The following CARMIL1 variants were observed in gnomAD, a reference collection of about 807,000 sequenced individuals.
CARMIL1 encodes F-actin-uncapping protein LRRC16A.
CARMIL1 carries 90 observed loss-of-function variants against 177.1 expected under a neutral mutation model. The ratio of observed to expected loss-of-function variants is 0.51; its 90% CI spans 0.43 to 0.61. The LOEUF (loss-of-function observed/expected upper bound fraction) is 0.61. CARMIL1 is among the 20% of genes least tolerant of loss of function. The probability of loss-of-function intolerance (pLI) is 0.00; values close to 1 mark genes in which losing one functional copy is unlikely to be tolerated. For synonymous variants in CARMIL1, 577 were observed against 606.2 expected (o/e 0.95, Z 0.71); for missense variants, 1,380 against 1,667.0 (o/e 0.83, Z 3.00).
chr6:25,390,386 G>C (rs1379713613), intron 2 of CARMIL1, among the ~76,000 whole-genome samples: 86 of 139,036 alleles, frequency 6.2e-4, no homozygotes, highest in African/African-American at 2.2e-3. Context: ...CAGCAGCACA[G>C]TCTTGGCTCA....
chr6:25,565,942 A>G (rs761482355), intron 29 of CARMIL1, among the ~76,000 whole-genome samples: 17 of 152,214 alleles, frequency 1.1e-4, no homozygotes, highest in Non-Finnish European at 1.8e-4. Flanking sequence ...CATATATAGT[A>G]TGTCCCAAAT....
rs538454908 is a variant in CARMIL1 at position 25,326,935 on chromosome 6, C to T, written c.138+42026C>T. Among the ~76,000 whole-genome samples the T allele has an allele frequency of 9.3e-4, 141 of 152,068 alleles. No individual in the cohort carries two copies. Among genetic ancestry groups the T allele is most frequent in the Middle Eastern group, 3.4e-3 (1 of 294 alleles). On this transcript the variant is annotated intron_variant, in intron 2 of 36. Transcript: ENST00000329474. This position sits in a 1 kb window ranked among gnomAD's most constrained non-coding sequence, Gnocchi z 4.2. ...ACCTTGTTTATTGTGATGAGGGAGA[C>T]TGGTGGGGGTAGCAAAAGGACATAA... is the stretch of plus-strand genomic sequence containing the variant.
chr6:25,520,929 T>C (rs1806490588), intron 23 of CARMIL1, among the ~76,000 whole-genome samples: 1 of 152,162 alleles, frequency 6.6e-6, no homozygotes, highest in African/African-American at 2.4e-5. Context: ...CCTTCTCTTT[T>C]TATGGCCACC....
intron 2 of CARMIL1, among the ~76,000 whole-genome samples, chr6:25,307,385 A>G (rs561295211): frequency 6.6e-6 from 1 of 152,282 alleles, no homozygotes; most frequent in African/African-American, 2.4e-5. Context: ...TTCCTACTCT[A>G]TTAGAAATTC....
intron 2 of CARMIL1, among the ~76,000 whole-genome samples, chr6:25,306,867 G>T (rs1193187976): frequency 6.8e-6 from 1 of 147,608 alleles, no homozygotes; most frequent in African/African-American, 2.5e-5. Context: ...CCTGTTTCCT[G>T]CAGTGCCTTG....
chr6:25,338,284 G>T (rs2690082), intron 2 of CARMIL1, among the ~76,000 whole-genome samples: 68,174 of 151,320 alleles, frequency 0.45, 15,539 homozygotes, highest in East Asian at 0.54. Flanking sequence ...ATAAAAGGTG[G>T]TAGTATAAAA....
chr6:25,519,043 G>A (rs1806286881), intron 22 of CARMIL1, among the ~76,000 whole-genome samples: 2 of 152,192 alleles, frequency 1.3e-5, no homozygotes, highest in Admixed American at 6.5e-5. Flanking sequence ...TACTCTATAA[G>A]TTGGACTGGG....
At chr6:25,396,309 C>T (rs768120211) in intron 2 of CARMIL1, among the ~76,000 whole-genome samples, 4 of 151,798 alleles carry the variant, frequency 2.6e-5, no homozygotes, top group African/African-American at 4.8e-5. Flanking sequence ...AGACCTTCAC[C>T]AGAAGCAAAA....
chr6:25,567,157 C>T (rs576413766), intron 29 of CARMIL1, among the ~76,000 whole-genome samples: 15 of 152,216 alleles, frequency 9.9e-5, no homozygotes, highest in Non-Finnish European at 2.2e-4. Context: ...CTCTCAAACA[C>T]GTTCTCTGTC....
chr6:25,286,200 T>C (rs1781515390), intron 2 of CARMIL1, among the ~76,000 whole-genome samples: 1 of 152,246 alleles, frequency 6.6e-6, no homozygotes, highest in Non-Finnish European at 1.5e-5. Context: ...AATATTCCAT[T>C]GCTTCAGTTA....
intron 36 of CARMIL1, 92 bp from the exon 37 acceptor site, chr6:25,619,355 A>G (rs1273803405): frequency 2.9e-6 from 4 of 1,362,982 alleles, no homozygotes; most frequent in Middle Eastern, 2.0e-4. Context: ...CCCTCCCCCA[A>G]ACCTTCAAGG....
At chr6:25,610,304 G>A (rs1448092193) in intron 36 of CARMIL1, 123 bp downstream of exon 36, 1 of 1,189,176 alleles carries the variant, frequency 8.4e-7, no homozygotes, top group Non-Finnish European at 1.1e-6. Context: ...AACATTGCTT[G>A]GGTTAAATTT....
chr6:25,325,120 A>C (rs1258164519), intron 2 of CARMIL1, among the ~76,000 whole-genome samples: 1 of 152,228 alleles, frequency 6.6e-6, no homozygotes, highest in African/African-American at 2.4e-5. Context: ...TTACTTCTGG[A>C]AACTAAAGGA....
intron 25 of CARMIL1, among the ~76,000 whole-genome samples, chr6:25,538,857 A>G (rs917685510): frequency 3.1e-4 from 47 of 152,038 alleles, no homozygotes; most frequent in Admixed American, 2.0e-4. Flanking sequence ...GGAAATGGAG[A>G]GGGGCTGGAG....
intron 2 of CARMIL1, among the ~76,000 whole-genome samples, chr6:25,402,245 A>G (rs1026997019): frequency 2.4e-4 from 36 of 152,284 alleles, no homozygotes; most frequent in African/African-American, 8.4e-4. Flanking sequence ...TTCAATTATA[A>G]TAAGACTCTT....
chr6:25,544,632 C>T (rs1562270726), intron 26 of CARMIL1, among the ~76,000 whole-genome samples: 1 of 151,676 alleles, frequency 6.6e-6, no homozygotes, highest in East Asian at 1.9e-4. Flanking sequence ...CACACACACA[C>T]ACACACACAC....
intron 2 of CARMIL1, among the ~76,000 whole-genome samples, chr6:25,345,498 G>A (rs1787414277): frequency 6.6e-6 from 1 of 152,112 alleles, no homozygotes; most frequent in African/African-American, 2.4e-5. Flanking sequence ...GCGTCTAACA[G>A]GCATTTCAAA....
chr6:25,557,427 T>G (rs1362603852), intron 29 of CARMIL1, among the ~76,000 whole-genome samples: 2 of 152,202 alleles, frequency 1.3e-5, no homozygotes, highest in Non-Finnish European at 2.9e-5. Context: ...CTAGAGTATT[T>G]AGGTTGTTAA....
At chr6:25,606,899 A>G (rs1390928136) in intron 35 of CARMIL1, among the ~76,000 whole-genome samples, 1 of 152,178 alleles carries the variant, frequency 6.6e-6, no homozygotes, top group Non-Finnish European at 1.5e-5. Context: ...TGGGCCCTTT[A>G]CAAAAAAGTT....
Sources: gnomAD v4.1 joint callset for allele counts (sites outside exome capture counted in the v4.1 genomes callset) on GRCh38, gnomAD v4.1.1 for gene constraint, Gnocchi (gnomAD v3.1) non-coding constraint, MANE v1.5 for transcripts, NCBI Gene and HGNC (gene_info 2026-07-23, HGNC 2026-07-21) for gene names.